Variants in BABAM2 observed in about 807,000 individuals in gnomAD.
BABAM2 encodes the protein BRISC and BRCA1-A complex member 2.
Under a neutral mutation model 54.7 loss-of-function variants are expected in BABAM2, and 31 were observed. That is an observed-to-expected ratio of 0.57 (90% CI 0.43 to 0.77). The LOEUF (loss-of-function observed/expected upper bound fraction) is 0.77, where lower values mean the gene tolerates loss of function less well. BABAM2 is among the 30% of genes least tolerant of loss of function. BABAM2 has a pLI of 0.00. For missense variants in BABAM2, 364 were observed against 455.8 expected, an observed-to-expected ratio of 0.80 and a Z score of 1.83; for synonymous variants, 167 against 162.9, an observed-to-expected ratio of 1.03 and a Z score of -0.19.
chr2:28,127,333 G>A (rs1235122431), intron 6 of BABAM2, among the ~76,000 whole-genome samples: 1 of 152,184 alleles, frequency 6.6e-6, no homozygotes, highest in Admixed American at 6.5e-5. Flanking sequence ...TAGACATCAA[G>A]TAAGAAAAGG....
intron 7 of BABAM2, among the ~76,000 whole-genome samples, chr2:28,175,809 C>T (rs578039631): frequency 1.3e-5 from 2 of 152,312 alleles, no homozygotes; most frequent in African/African-American, 4.8e-5. Flanking sequence ...AATGCCAATG[C>T]ACTCATACAC....
At chr2:28,037,188 A>G (rs932234818) in intron 5 of BABAM2, among the ~76,000 whole-genome samples, 10 of 152,188 alleles carry the variant, frequency 6.6e-5, no homozygotes, top group African/African-American at 2.4e-4. Context: ...CCCAAATCAT[A>G]CCACTTTCCT....
At chr2:28,196,220 G>C (rs914870447) in intron 7 of BABAM2, among the ~76,000 whole-genome samples, 1 of 151,698 alleles carries the variant, frequency 6.6e-6, no homozygotes, top group Non-Finnish European at 1.5e-5. Flanking sequence ...CCAGCTACTC[G>C]GGAGGCTGAG....
At chr2:28,139,166 G>A (rs992402097) in intron 7 of BABAM2, among the ~76,000 whole-genome samples, 6 of 151,736 alleles carry the variant, frequency 4.0e-5, no homozygotes, top group South Asian at 2.1e-4. Context: ...AATGGCTCAC[G>A]TCTATAATCC....
chr2:27,914,975 G>T (rs970395090), intron 2 of BABAM2, among the ~76,000 whole-genome samples: 3 of 151,992 alleles, frequency 2.0e-5, no homozygotes, highest in Admixed American at 2.0e-4. Context: ...TGCTTGCTCT[G>T]CAGCCAATTT....
At chr2:28,016,203 TTCTCTG>T (rs1235049401) in intron 4 of BABAM2, 17 of 1,073,424 alleles carry the variant, frequency 1.6e-5, no homozygotes, top group Non-Finnish European at 2.1e-5. Flanking sequence ...TCTTTTTTCT[TTCTCTG>T]TCTTTTTTTG....
rs780962602 is a variant in BABAM2 at position 28,244,766 on chromosome 2, T to C, written c.852-14T>C. 9.3e-6 allele frequency: 15 copies of C among 1,609,400 alleles called. No individual in the cohort carries two copies. Among genetic ancestry groups the C allele is most frequent in the Non-Finnish European group, 1.2e-5 (14 of 1,177,624 alleles). Reference sequence around the variant, plus strand: ...GGTTTTTTTTGTTTGTGTGTGTATGTTTTTATTACTTAGAGGTGTCGTGGA... The same window carrying C: ...GGTTTTTTTTGTTTGTGTGTGTATGCTTTTATTACTTAGAGGTGTCGTGGA... On this transcript the variant is annotated splice_polypyrimidine_tract_variant and intron_variant, in intron 9 of 11. Transcript: ENST00000379624.
chr2:28,045,817 T>A lies in BABAM2; in HGVS notation c.570+18T>A. ...TTCTCAAGGTAAAAATATATGATTT[T>A]CAGTATGAGAATATAAGTGAGCTTT... is the stretch of plus-strand genomic sequence containing the variant. On this transcript the variant is annotated intron_variant, in intron 6 of 11. Transcript: ENST00000379624. 1 of 1,581,958 alleles carries A rather than the reference T, an allele frequency of 6.3e-7. No individual in the cohort carries two copies. Among genetic ancestry groups the A allele is most frequent in the Non-Finnish European group, 8.7e-7 (1 of 1,154,578 alleles).
At chr2:28,028,623 C>T (rs912826253) in intron 5 of BABAM2, among the ~76,000 whole-genome samples, 6 of 152,096 alleles carry the variant, frequency 3.9e-5, no homozygotes, top group Admixed American at 1.3e-4. Context: ...ATTCCATAAA[C>T]GTTTTTGAAT....
chr2:28,171,633 G>A (rs1220216863), intron 7 of BABAM2, among the ~76,000 whole-genome samples: 1 of 152,170 alleles, frequency 6.6e-6, no homozygotes, highest in Non-Finnish European at 1.5e-5. Context: ...ATTGTGTTCT[G>A]ATTGTTTTCC....
At position 27,894,584 on chromosome 2, in the gene BABAM2, A is replaced by C; in HGVS notation, c.28A>C (p.Ile10Leu). 6.2e-7 allele frequency: 1 copy of C among 1,614,048 alleles called. No homozygotes were observed. The highest frequency in any genetic ancestry group is 8.5e-7 in the Non-Finnish European group (1 of 1,179,920). The change falls in exon 2 of 12, where the codon ATA becomes CTA. Residue 10 changes from isoleucine to leucine, a missense_variant. Physicochemically the swap from Ile to Leu is conservative, Grantham distance 5. Coordinates refer to ENST00000379624, the MANE Select transcript of BABAM2 (RefSeq NM_199191.3). ...GTCCCCAGAAGTGGCCTTGAACCGA[A>C]TATCTCCAATGCTCTCCCCTTTCAT... MSPEVALNR[I>L]SPMLSPFISS...
chr2:28,301,413 G>T (rs949420849), intron 11 of BABAM2, among the ~76,000 whole-genome samples: 1 of 152,192 alleles, frequency 6.6e-6, no homozygotes, highest in Non-Finnish European at 1.5e-5. Flanking sequence ...AGGCTTTGGG[G>T]TCATGTGTGC....
Position 28,236,838 on chromosome 2 carries a change from C to T in BABAM2, c.681-364C>T, listed in dbSNP as rs572144399. On this transcript the variant is annotated intron_variant, in intron 7 of 11. Transcript: ENST00000379624. ...GCAGCAATTCATTTTAGTTCAGTTT[C>T]AATGTTTAATGAATAACTTATCTGT... 2.6e-5 allele frequency among the ~76,000 whole-genome samples: 4 copies of T among 152,188 alleles called. No homozygotes were observed. The East Asian group carries it at 7.7e-4, about 29-fold the overall frequency.
Position 28,276,934 on chromosome 2 carries a change from G to A in BABAM2, c.935-21404G>A, listed in dbSNP as rs78115028. Among the ~76,000 whole-genome samples, 1,269 of 152,104 alleles carry A rather than the reference G, an allele frequency of 8.3e-3. 13 individuals are homozygous for A. Among genetic ancestry groups the A allele is most frequent in the African/African-American group, 0.029 (1,204 of 41,488 alleles). On this transcript the variant is annotated intron_variant, in intron 10 of 11. Coordinates refer to ENST00000379624, the MANE Select transcript of BABAM2 (RefSeq NM_199191.3). ...GCATTATCTTTACACATTAGCAGAC[G>A]GCAGAGTGAGCCCATGTTCTCTGTG...
At chr2:28,318,718 C>G (rs1408897990) in intron 11 of BABAM2, among the ~76,000 whole-genome samples, 1 of 152,198 alleles carries the variant, frequency 6.6e-6, no homozygotes, top group Non-Finnish European at 1.5e-5. Flanking sequence ...GTTTATTGGT[C>G]TAATGGCTCT....
At chr2:28,309,932 C>A in intron 11 of BABAM2, 1 of 749,030 alleles carries the variant, frequency 1.3e-6, no homozygotes, top group Non-Finnish European at 2.2e-6. Context: ...CACGAGCAAG[C>A]TCACCCGTCC....
intron 7 of BABAM2, among the ~76,000 whole-genome samples, chr2:28,148,280 A>G (rs1671692116): frequency 6.6e-6 from 1 of 152,160 alleles, no homozygotes. Flanking sequence ...CCTCAGAGGC[A>G]TGTGCTTTGG....
At chr2:28,156,738 A>G (rs187370223) in intron 7 of BABAM2, among the ~76,000 whole-genome samples, 2 of 152,288 alleles carry the variant, frequency 1.3e-5, no homozygotes, top group East Asian at 3.9e-4. Flanking sequence ...TGGAATTTTA[A>G]GGCTTATTTG....
intron 10 of BABAM2, among the ~76,000 whole-genome samples, chr2:28,297,943 GACACTTAAA>G (rs1687829456): frequency 6.6e-6 from 1 of 152,144 alleles, no homozygotes; most frequent in South Asian, 2.1e-4. Flanking sequence ...TGTTATAATA[GACACTTAAA>G]ACAGATAGAA....
Sources: gnomAD v4.1 joint callset for allele counts (sites outside exome capture counted in the v4.1 genomes callset) on GRCh38, gnomAD v4.1.1 for gene constraint, MANE v1.5 for transcripts, NCBI Gene and HGNC (gene_info 2026-07-23, HGNC 2026-07-21) for gene names.